The following CHRNB2 variants were observed in gnomAD, a reference collection of about 807,000 sequenced individuals.
CHRNB2 encodes neuronal acetylcholine receptor subunit beta-2.
Under a neutral mutation model 42.7 loss-of-function variants are expected in CHRNB2, and 33 were observed. The observed-to-expected ratio is 0.77, with a 90% CI of 0.59 to 1.03. The LOEUF is 1.03. CHRNB2 is among the 50% of genes least tolerant of loss of function. CHRNB2 has a pLI of 0.00. For synonymous variants in CHRNB2, 325 were observed against 292.9 expected (o/e 1.11, Z -1.12); for missense variants, 603 against 700.9 (o/e 0.86, Z 1.58).
At chr1:154,568,152 A>C (rs779950429) in intron 1 of CHRNB2, 44 bp downstream of exon 1, 2 of 1,568,354 alleles carry the variant, frequency 1.3e-6, no homozygotes, top group East Asian at 2.4e-5. Flanking sequence ...TACCCCAGCC[A>C]ACGGCCCAAG....
Position 154,575,969 on chromosome 1 carries a change from C to T in CHRNB2, c.*37C>T. On this transcript the variant is annotated 3_prime_UTR_variant, in exon 6 of 6. Transcript: ENST00000368476. ...ATCTCCATGCTCTTTCACCCTGCCA[C>T]CCTCTGCTGCACAGTAGTGTTGGGT... 6.2e-7 allele frequency: 1 copy of T among 1,612,294 alleles called. No individual in the cohort carries two copies. The highest frequency in any genetic ancestry group is 8.5e-7 in the Non-Finnish European group (1 of 1,179,006).
chr1:154,568,298 C>A (rs1458984127), intron 1 of CHRNB2, among the ~76,000 whole-genome samples, 190 bp downstream of exon 1: 2 of 152,146 alleles, frequency 1.3e-5, no homozygotes, highest in Non-Finnish European at 1.5e-5. Flanking sequence ...GGACTGGGAA[C>A]GAGACATACT....
chr1:154,571,938 G>A lies in CHRNB2; in HGVS notation c.1115G>A (p.Gly372Asp), dbSNP rs757023317. ...CGGCGACGCCAGCGTGAGCGCGAGGGCGCTGGAGCCCTCTTCTTCCGCGAA... is the reference window on the plus strand; with the variant it reads ...CGGCGACGCCAGCGTGAGCGCGAGGACGCTGGAGCCCTCTTCTTCCGCGAA... ...RLRRRQRERE[G>D]AGALFFREAP... Residue 372 changes from glycine to aspartate, a missense_variant, in exon 5 of 6, where the codon GGC becomes GAC. Physicochemically the swap from Gly to Asp is moderately conservative, Grantham distance 94. Transcript: ENST00000368476. This position sits in a 1 kb window ranked among gnomAD's most constrained non-coding sequence, Gnocchi z 6.8. The A allele has an allele frequency of 7.7e-6, 12 of 1,551,268 alleles. 1 individual carries two copies. The Admixed American group carries it at 2.1e-4, about 27-fold the overall frequency.
chr1:154,571,884 A>G lies in CHRNB2; in HGVS notation c.1061A>G (p.His354Arg), dbSNP rs201793956. Residue 354 changes from histidine to arginine, a missense_variant, in exon 5 of 6, where the codon CAT becomes CGT. Transcript: ENST00000368476. This position sits in a 1 kb window ranked among gnomAD's most constrained non-coding sequence, Gnocchi z 6.8. ...PALLFMQQPR[H>R]HCARQRLRLR... Reference sequence around the variant, plus strand: ...CTGCTCTTCATGCAGCAGCCACGCCATCATTGCGCCCGTCAGCGCCTGCGC... The same window carrying G: ...CTGCTCTTCATGCAGCAGCCACGCCGTCATTGCGCCCGTCAGCGCCTGCGC... The G allele has an allele frequency of 6.3e-7, 1 of 1,596,250 alleles. No homozygotes were observed.
In CHRNB2 at chr1:154,571,136, G is replaced by C; in HGVS notation, c.366-53G>C. 1 of 1,613,282 alleles carries C rather than the reference G, an allele frequency of 6.2e-7. No homozygotes were observed. The highest frequency in any genetic ancestry group is 8.5e-7 in the Non-Finnish European group (1 of 1,180,018). On this transcript the variant is annotated intron_variant, in intron 4 of 5. Coordinates refer to ENST00000368476, the MANE Select transcript of CHRNB2 (RefSeq NM_000748.3). The surrounding 1 kb of genome is among the most constrained non-coding windows in gnomAD (Gnocchi z 6.8). ...CTCCCATTAGGGGCTGGGTTGATGG[G>C]TAAGGAGGAAGGAACGCTTAGGCCA...
Position 154,577,828 on chromosome 1 carries a change from C to A in CHRNB2, c.*1896C>A, listed in dbSNP as rs2101530795. ...TGCAGCCCCCTCAGCAGTTTCATTC[C>A]ATTCCTGGGCTGAACCCTTGCCCTG... is the stretch of plus-strand genomic sequence containing the variant. On this transcript the variant is annotated 3_prime_UTR_variant, in exon 6 of 6. Coordinates refer to ENST00000368476, the MANE Select transcript of CHRNB2 (RefSeq NM_000748.3). 2 of 152,434 alleles carry A rather than the reference C, an allele frequency of 1.3e-5. No individual in the cohort carries two copies. Among genetic ancestry groups the A allele is most frequent in the East Asian group, 1.9e-4 (1 of 5,176 alleles). 9.4% of individuals were successfully genotyped at this position (152,434 alleles called of 1,614,324 possible). A position where few individuals can be genotyped will look rare whatever the true frequency, so the allele number is the denominator to read the frequency against.
intron 3 of CHRNB2, 64 bp downstream of exon 3, chr1:154,569,900 T>A: frequency 6.3e-7 from 1 of 1,585,004 alleles, no homozygotes; most frequent in Non-Finnish European, 8.7e-7. Flanking sequence ...TTTCCCCATG[T>A]GCTTTTTTCT....
At chr1:154,574,646 TCTC>T (rs1325216524) in intron 5 of CHRNB2, among the ~76,000 whole-genome samples, 1 of 152,186 alleles carries the variant, frequency 6.6e-6, no homozygotes, top group African/African-American at 2.4e-5. Context: ...CTAAATGATA[TCTC>T]CTCCTTTTAT....
chr1:154,575,998 G>A lies in CHRNB2; in HGVS notation c.*66G>A. Reference sequence around the variant, plus strand: ...CTGCTGCACAGTAGTGTTGGGTGGAGGATGGACGAGTGAGCTACCAGGAAG... The same window carrying A: ...CTGCTGCACAGTAGTGTTGGGTGGAAGATGGACGAGTGAGCTACCAGGAAG... On this transcript the variant is annotated 3_prime_UTR_variant, in exon 6 of 6. Transcript: ENST00000368476. 7 of 1,594,652 alleles carry A rather than the reference G, an allele frequency of 4.4e-6. No individual in the cohort carries two copies. Among genetic ancestry groups the A allele is most frequent in the Non-Finnish European group, 6.0e-6 (7 of 1,165,362 alleles).
At chr1:154,573,541 A>G (rs535464529) in intron 5 of CHRNB2, among the ~76,000 whole-genome samples, 2 of 152,100 alleles carry the variant, frequency 1.3e-5, no homozygotes, top group South Asian at 4.2e-4. Flanking sequence ...CACAACCCCA[A>G]AGTCATTCTC....
Position 154,572,107 on chromosome 1 carries a change from G to A in CHRNB2, c.1284G>A (p.Val428=). The change falls in exon 5 of 6, where the codon GTG becomes GTA. Residue 428 remains valine, a synonymous_variant. Coordinates refer to ENST00000368476, the MANE Select transcript of CHRNB2 (RefSeq NM_000748.3). The stretch of plus-strand genomic sequence containing the variant: ...GTGGCTGTGGCCTCCGGGAGGCGGT[G>A]GACGGCGTGCGCTTCATCGCAGACC... ...EPCGCGLREA[V]DGVRFIADHM... 6.5e-7 allele frequency: 1 copy of A among 1,537,044 alleles called. No homozygotes were observed. Among genetic ancestry groups the A allele is most frequent in the Non-Finnish European group, 8.7e-7 (1 of 1,146,618 alleles).
rs74119105 is a variant in CHRNB2, at chr1:154,572,406, A to G, written c.1338+245A>G. On this transcript the variant is annotated intron_variant, in intron 5 of 5. Transcript: ENST00000368476. ...ACCTTGCTGCTTCCTGAGGGCTAGC[A>G]CCCAGGGCAAAATGCCTGAGCTGGG... is the stretch of plus-strand genomic sequence containing the variant. 0.039 allele frequency among the ~76,000 whole-genome samples: 5,869 copies of G among 152,120 alleles called. 382 individuals are homozygous for G. Among genetic ancestry groups the G allele is most frequent in the African/African-American group, 0.14 (5,638 of 41,442 alleles).
chr1:154,569,682 TC>T (rs1696127607), intron 2 of CHRNB2, 75 bp downstream of exon 2: 8 of 1,612,786 alleles, frequency 5.0e-6, no homozygotes, highest in Non-Finnish European at 6.8e-6. Context: ...CTTGTGTGCT[TC>T]CTCCCCTGGT....
rs1322541288 is a variant in CHRNB2, at chr1:154,571,232, G to A, written c.409G>A (p.Val137Ile). Residue 137 changes from valine to isoleucine, a missense_variant, in exon 5 of 6, where the codon GTC becomes ATC. Around this residue, in one of 2 missense-constraint regions of CHRNB2, gnomAD observed 333 missense variants for 452.6 expected, o/e 0.74. Coordinates refer to ENST00000368476, the MANE Select transcript of CHRNB2 (RefSeq NM_000748.3). This position sits in a 1 kb window ranked among gnomAD's most constrained non-coding sequence, Gnocchi z 6.8. ...YEVSFYSNAV[V>I]SYDGSIFWLP... ...GGTGTCCTTCTATTCCAATGCCGTGGTCTCCTATGATGGCAGCATCTTCTG... is the reference window on the plus strand; with the variant it reads ...GGTGTCCTTCTATTCCAATGCCGTGATCTCCTATGATGGCAGCATCTTCTG... The A allele has an allele frequency of 1.2e-6, 2 of 1,614,178 alleles. No homozygotes were observed. The highest frequency in any genetic ancestry group is 1.3e-5 in the African/African-American group (1 of 75,050).
Position 154,571,917 on chromosome 1 carries a change from G to A in CHRNB2, c.1094G>A (p.Arg365Gln), listed in dbSNP as rs760653937. ...GCCCGTCAGCGCCTGCGCCTGCGGC[G>A]ACGCCAGCGTGAGCGCGAGGGCGCT... is the stretch of plus-strand genomic sequence containing the variant. ...HCARQRLRLR[R>Q]RQREREGAGA... Residue 365 changes from arginine to glutamine, a missense_variant, in exon 5 of 6, where the codon CGA (arginine) becomes CAA (glutamine). This residue lies in a region of CHRNB2 where 270 missense variants were observed against 248.3 expected (regional missense o/e 1.09). Coordinates refer to ENST00000368476, the MANE Select transcript of CHRNB2 (RefSeq NM_000748.3). This position sits in a 1 kb window ranked among gnomAD's most constrained non-coding sequence, Gnocchi z 6.8. The A allele has an allele frequency of 1.9e-6, 3 of 1,569,402 alleles. No homozygotes were observed. The highest frequency in any genetic ancestry group is 2.3e-5 in the South Asian group (2 of 87,292).
rs1014418263 is a variant in CHRNB2 at position 154,571,005 on chromosome 1, C to A, written c.366-184C>A. ...TTCTTCTGGTCACTAACCTTCCCCC[C>A]CCTCCCCATATCCCCTTCTTGCTCA... On this transcript the variant is annotated intron_variant, in intron 4 of 5. Transcript: ENST00000368476. The surrounding 1 kb of genome is among the most constrained non-coding windows in gnomAD (Gnocchi z 6.8). Among the ~76,000 whole-genome samples, 1 of 152,106 alleles carries A rather than the reference C, an allele frequency of 6.6e-6. No individual in the cohort carries two copies. The highest frequency in any genetic ancestry group is 6.5e-5 in the Admixed American group (1 of 15,272).
chr1:154,570,824 C>A (rs1428943806), intron 4 of CHRNB2, among the ~76,000 whole-genome samples: 16 of 152,104 alleles, frequency 1.1e-4, no homozygotes, highest in Admixed American at 1.0e-3. Context: ...TTGCTTGGGG[C>A]TCCTCACTCT....
At position 154,571,501 on chromosome 1, in the gene CHRNB2, T is replaced by C. The variant is rs1473412414; in HGVS notation, c.678T>C (p.Tyr226=). ...ACTCTACGTACGTGGACATCACGTA[T>C]GACTTCATCATTCGCCGCAAGCCGC... is the stretch of plus-strand genomic sequence containing the variant. The part of the protein sequence containing the change: ...PDDSTYVDIT[Y]DFIIRRKPLF... Residue 226 remains tyrosine, a synonymous_variant, in exon 5 of 6, where the codon TAT becomes TAC. Coordinates refer to ENST00000368476, the MANE Select transcript of CHRNB2 (RefSeq NM_000748.3). The surrounding 1 kb of genome is among the most constrained non-coding windows in gnomAD (Gnocchi z 6.8). 3 of 1,614,000 alleles carry C rather than the reference T, an allele frequency of 1.9e-6. No homozygotes were observed. The highest frequency in any genetic ancestry group is 1.6e-4 in the Middle Eastern group (1 of 6,062).
rs201969447 is a variant in CHRNB2, at chr1:154,579,316, A to T, written c.*3384A>T. ...TGCGTTGTCTTTATTCCGCGTGACA[A>T]TCCTATGGGAAGGGGCCTCCACCTA... On this transcript the variant is annotated 3_prime_UTR_variant, in exon 6 of 6. Coordinates refer to ENST00000368476, the MANE Select transcript of CHRNB2 (RefSeq NM_000748.3). The T allele has an allele frequency of 6.6e-6, 1 of 152,108 alleles. No individual in the cohort carries two copies. The highest frequency in any genetic ancestry group is 1.5e-5 in the Non-Finnish European group (1 of 68,054). 9.4% of individuals were successfully genotyped at this position (152,108 alleles called of 1,614,324 possible). A position where few individuals can be genotyped will look rare whatever the true frequency, so the allele number is the denominator to read the frequency against.
Sources: allele counts gnomAD v4.1 joint callset (sites outside exome capture counted in the v4.1 genomes callset), GRCh38; gene constraint gnomAD v4.1.1; regional missense constraint gnomAD v4.1.1; non-coding constraint Gnocchi (gnomAD v3.1); transcripts MANE v1.5; gene names NCBI Gene and HGNC (gene_info 2026-07-23, HGNC 2026-07-21).